Variants in TEX29 observed in about 807,000 individuals in gnomAD.
TEX29 encodes the protein testis-expressed protein 29.
A neutral mutation model predicts 18.2 loss-of-function variants in TEX29; 26 were observed. That is an observed-to-expected ratio of 1.43 (90% confidence interval 1.04 to 1.98). The LOEUF (loss-of-function observed/expected upper bound fraction) is 1.98, where lower values mean the gene tolerates loss of function less well. Ranked by LOEUF, TEX29 falls within the 30% of genes most tolerant of loss-of-function variation. TEX29 has a pLI of 0.00. For synonymous variants in TEX29, 83 were observed against 78.5 expected, an observed-to-expected ratio of 1.06 and a Z score of -0.31; for missense variants, 177 against 194.2, an observed-to-expected ratio of 0.91 and a Z score of 0.53.
upstream of TEX29, among the ~76,000 whole-genome samples, chr13:111,319,740 G>A (rs1191193006): frequency 2.6e-5 from 4 of 152,178 alleles, no homozygotes; most frequent in South Asian, 6.2e-4. Flanking sequence ...CGATCCTCCC[G>A]CCTTGCCCTA....
rs531871468 is a variant in TEX29 at position 111,338,325 on chromosome 13, A to T, written c.170-1538A>T. ...AAAAAGAGAAGAGACACAGAGACAG[A>T]GGAAAGACAGCCACGTGACAATAGG... On this transcript the variant is annotated intron_variant, in intron 3 of 5. Coordinates refer to ENST00000283547, the MANE Select transcript of TEX29 (RefSeq NM_152324.3). Among the ~76,000 whole-genome samples the T allele has an allele frequency of 2.6e-5, 4 of 152,324 alleles. No homozygotes were observed. The East Asian group carries it at 7.7e-4, about 29-fold the overall frequency.
upstream of TEX29, among the ~76,000 whole-genome samples, chr13:111,318,636 G>A (rs2479963): frequency 0.28 from 42,919 of 152,066 alleles, 6,950 homozygotes; most frequent in East Asian, 0.82. Flanking sequence ...CTCCTTCCCC[G>A]GAAGCTCATT....
chr13:111,342,657 CTG>C (rs1471574785), intron 4 of TEX29, 97 bp from the exon 5 acceptor site: 3 of 1,166,416 alleles, frequency 2.6e-6, no homozygotes, highest in Non-Finnish European at 2.4e-6. Flanking sequence ...GATCAGGAAC[CTG>C]TGTTTTCAGA....
intron 4 of TEX29, 72 bp from the exon 5 acceptor site, chr13:111,342,684 G>A (rs1351519720): frequency 2.0e-6 from 3 of 1,478,140 alleles, no homozygotes; most frequent in African/African-American, 1.4e-5. Context: ...TGTCCTGGTG[G>A]GTGGGAGGGA....
Position 111,340,040 on chromosome 13 carries a change from G to A in TEX29, c.239+108G>A, listed in dbSNP as rs118031919. The A allele has an allele frequency of 5.0e-3, 4,993 of 1,007,054 alleles. 178 individuals carry two copies. In the East Asian group the frequency reaches 0.086, roughly 17 times the overall value. 62.4% of individuals were successfully genotyped at this position (1,007,054 alleles called of 1,614,324 possible). A position where few individuals can be genotyped will look rare whatever the true frequency, so the allele number is the denominator to read the frequency against. ...CCTTCGGGCTTGGTGCTGCTGGGGT[G>A]ACTGAGAACAGCTCTCCGTGAGCCT... is the stretch of plus-strand genomic sequence containing the variant. On this transcript the variant is annotated intron_variant, in intron 4 of 5. Transcript: ENST00000283547.
At chr13:111,343,081 C>G (rs1595694357) in intron 5 of TEX29, 150 bp downstream of exon 5, 2 of 978,764 alleles carry the variant, frequency 2.0e-6, no homozygotes, top group Non-Finnish European at 1.4e-6. Flanking sequence ...TGTAATGTAC[C>G]CAACATTGGA....
chr13:111,323,856 TTCCTCC>T (rs773849102), intron 2 of TEX29, among the ~76,000 whole-genome samples: 1 of 152,194 alleles, frequency 6.6e-6, no homozygotes, highest in East Asian at 1.9e-4. Flanking sequence ...CCTGCCCAGC[TTCCTCC>T]TCCTCCTCCT....
At chr13:111,333,789 C>A (rs796779613) in intron 3 of TEX29, among the ~76,000 whole-genome samples, 25 of 152,256 alleles carry the variant, frequency 1.6e-4, no homozygotes, top group African/African-American at 5.8e-4. Flanking sequence ...GGGAAGGGAA[C>A]TGCCAAACAC....
intron 2 of TEX29, among the ~76,000 whole-genome samples, chr13:111,324,481 TTGAC>T (rs530161967): frequency 1.4e-4 from 22 of 152,328 alleles, no homozygotes; most frequent in Admixed American, 7.2e-4. Flanking sequence ...CCCCTGCTAA[TTGAC>T]TGCTTCATCG....
chr13:111,342,730 C>T (rs1567165595), intron 4 of TEX29, 26 bp from the exon 5 acceptor site: 2 of 1,605,064 alleles, frequency 1.2e-6, no homozygotes, highest in South Asian at 2.2e-5. Flanking sequence ...ACTTCCCTGA[C>T]TGTGATAAAA....
intron 3 of TEX29, among the ~76,000 whole-genome samples, chr13:111,336,917 G>A (rs1190176938): frequency 2.0e-5 from 3 of 152,206 alleles, no homozygotes; most frequent in Non-Finnish European, 4.4e-5. Context: ...GAGATGTACT[G>A]ACGGTGAAAT....
chr13:111,325,981 G>A (rs1308261263), intron 2 of TEX29, among the ~76,000 whole-genome samples: 3 of 152,236 alleles, frequency 2.0e-5, no homozygotes, highest in Non-Finnish European at 4.4e-5. Context: ...AGATGCCTCT[G>A]TGCTGCTGGG....
chr13:111,323,326 G>A (rs2093667780), intron 2 of TEX29, among the ~76,000 whole-genome samples: 1 of 152,236 alleles, frequency 6.6e-6, no homozygotes, highest in South Asian at 2.1e-4. Flanking sequence ...AGGATGGGAG[G>A]ATGACAGGTG....
intron 3 of TEX29, among the ~76,000 whole-genome samples, chr13:111,329,536 T>C (rs559179721): frequency 2.0e-5 from 3 of 151,572 alleles, no homozygotes; most frequent in South Asian, 2.1e-4. Flanking sequence ...TAGTGACTGA[T>C]GGGAATGAGT....
At chr13:111,327,067 A>T (rs962563903) in intron 2 of TEX29, among the ~76,000 whole-genome samples, 3 of 151,962 alleles carry the variant, frequency 2.0e-5, no homozygotes, top group Non-Finnish European at 1.5e-5. Flanking sequence ...GCCTCCCCCG[A>T]CCTCTCCCTA....
In TEX29 at chr13:111,344,082, G is replaced by A; in HGVS notation, c.416-1G>A. 1.2e-6 allele frequency: 2 copies of A among 1,610,944 alleles called. No homozygotes were observed. The highest frequency in any genetic ancestry group is 1.7e-6 in the Non-Finnish European group (2 of 1,177,902). On this transcript the variant is annotated splice_acceptor_variant, in intron 5 of 5. Coordinates refer to ENST00000283547, the MANE Select transcript of TEX29 (RefSeq NM_152324.3). LOFTEE classifies it high-confidence loss of function. ...ACAATTCTTCTTTTCTAAAAATCTA[G>A]TAACAGGGACAATAACAGAAGCCGA...
At chr13:111,341,719 T>C (rs976839321) in intron 4 of TEX29, among the ~76,000 whole-genome samples, 2 of 146,424 alleles carry the variant, frequency 1.4e-5, no homozygotes, top group African/African-American at 5.1e-5. Context: ...TGCTTGTTGA[T>C]GAAAATCATA....
intron 2 of TEX29, among the ~76,000 whole-genome samples, chr13:111,322,248 T>C (rs1182540387): frequency 2.6e-5 from 4 of 152,202 alleles, no homozygotes; most frequent in South Asian, 2.1e-4. Context: ...TGCAGTTCCC[T>C]ATCCAGATGC....
chr13:111,321,339 C>T (rs867955409), intron 2 of TEX29, among the ~76,000 whole-genome samples: 81 of 152,172 alleles, frequency 5.3e-4, no homozygotes, highest in Non-Finnish European at 9.0e-4. Flanking sequence ...GTTCCACCTT[C>T]CCTTTCCCCA....
Sources: gnomAD v4.1 joint callset for allele counts (sites outside exome capture counted in the v4.1 genomes callset) on GRCh38, gnomAD v4.1.1 for gene constraint, MANE v1.5 for transcripts, NCBI Gene and HGNC (gene_info 2026-07-23, HGNC 2026-07-21) for gene names.